HSD17B12: variants seen among roughly 807,000 people sequenced by gnomAD.
HSD17B12 encodes hydroxysteroid 17-beta dehydrogenase 12, also known as very-long-chain 3-oxoacyl-CoA reductase.
In HSD17B12, 32 loss-of-function variants were observed where a neutral mutation model predicts 39.3. The observed-to-expected ratio is 0.81, with a 90% CI of 0.61 to 1.09. The LOEUF is 1.09. HSD17B12 is among the 50% of genes least tolerant of loss of function. The pLI is 0.00. For missense variants in HSD17B12, 342 were observed against 382.9 expected (o/e 0.89, Z 0.89); for synonymous variants, 150 against 146.7 (o/e 1.02, Z -0.16).
the HSD17B12 span, among the ~76,000 whole-genome samples, chr11:43,587,105 G>C: frequency 6.6e-6 from 1 of 152,168 alleles, no homozygotes; most frequent in Non-Finnish European, 1.5e-5. Flanking sequence ...ACTTAAAGAA[G>C]CAATAGTATC....
At chr11:43,845,664 G>C (rs1951468329) in intron 9 of HSD17B12, among the ~76,000 whole-genome samples, 1 of 152,176 alleles carries the variant, frequency 6.6e-6, no homozygotes. Context: ...TGTATGTGAT[G>C]TTGTGTCGTC....
the HSD17B12 span, among the ~76,000 whole-genome samples, chr11:43,615,074 T>C: frequency 1.3e-5 from 2 of 152,194 alleles, no homozygotes; most frequent in Non-Finnish European, 2.9e-5. Context: ...CTGGATTTAT[T>C]TGTCTTCCTT....
intron 6 of HSD17B12, among the ~76,000 whole-genome samples, chr11:43,822,915 C>T (rs1006652500): frequency 6.6e-6 from 1 of 152,128 alleles, no homozygotes; most frequent in African/African-American, 2.4e-5. Flanking sequence ...ACACTGACTT[C>T]CACAATGGTT....
intron 1 of HSD17B12, chr11:43,718,844 CA>C (rs1950150452): frequency 1.2e-6 from 1 of 865,988 alleles, no homozygotes; most frequent in East Asian, 2.4e-5. Context: ...ACTCCGGAAG[CA>C]GCCCAAATAT....
chr11:43,636,950 G>A, the HSD17B12 span, among the ~76,000 whole-genome samples: 2 of 152,020 alleles, frequency 1.3e-5, no homozygotes, highest in African/African-American at 2.4e-5. Flanking sequence ...TGATTAAGTG[G>A]GCAAGCTCTG....
intron 1 of HSD17B12, chr11:43,718,935 T>C: frequency 9.6e-7 from 1 of 1,046,546 alleles, no homozygotes. Flanking sequence ...GAGTCTGCCA[T>C]GAAGAAGATA....
chr11:43,609,279 A>G, the HSD17B12 span, among the ~76,000 whole-genome samples: 1 of 150,804 alleles, frequency 6.6e-6, no homozygotes, highest in Non-Finnish European at 1.5e-5. Context: ...ATCTTTATAC[A>G]GGTAAACTAT....
chr11:43,597,727 C>A, the HSD17B12 span, among the ~76,000 whole-genome samples: 1 of 152,160 alleles, frequency 6.6e-6, no homozygotes, highest in Non-Finnish European at 1.5e-5. Context: ...CTCGCTGCAA[C>A]CTCCACCTCC....
At chr11:43,597,580 T>C in the HSD17B12 span, among the ~76,000 whole-genome samples, 1 of 152,208 alleles carries the variant, frequency 6.6e-6, no homozygotes, top group African/African-American at 2.4e-5. Flanking sequence ...GGCTGGCAAG[T>C]GGCTCTGACT....
chr11:43,572,420 G>T, the HSD17B12 span, among the ~76,000 whole-genome samples: 4 of 152,118 alleles, frequency 2.6e-5, no homozygotes, highest in Admixed American at 1.3e-4. Context: ...TCCACATGTT[G>T]GGGGATAGAC....
At chr11:43,827,204 C>A (rs1464230) in intron 6 of HSD17B12, among the ~76,000 whole-genome samples, 99,584 of 151,992 alleles carry the variant, frequency 0.66, 32,968 homozygotes, top group East Asian at 0.76. Flanking sequence ...TTTATTCTCT[C>A]CATGTGTATT....
At chr11:43,681,697 T>G (rs1447492675) in intron 1 of HSD17B12, among the ~76,000 whole-genome samples, 1 of 151,972 alleles carries the variant, frequency 6.6e-6, no homozygotes, top group Non-Finnish European at 1.5e-5. Flanking sequence ...ACAAGGACGT[T>G]TGTAGGAAAA....
chr11:43,690,380 A>AT (rs1949845089), intron 1 of HSD17B12, among the ~76,000 whole-genome samples: 1 of 8,416 alleles, frequency 1.2e-4, no homozygotes, highest in African/African-American at 5.4e-4. Context: ...ATATATATAT[A>AT]TATATATATA....
At chr11:43,848,448 G>A (rs975776883) in intron 9 of HSD17B12, 1 of 152,132 alleles carries the variant, frequency 6.6e-6, no homozygotes, top group African/African-American at 2.4e-5. Context: ...TATTCTCCAT[G>A]GAAAATGGCA....
chr11:43,656,352 C>T, the HSD17B12 span, among the ~76,000 whole-genome samples: 1 of 152,116 alleles, frequency 6.6e-6, no homozygotes, highest in African/African-American at 2.4e-5. Flanking sequence ...AAAAAACCAG[C>T]CCCTGGATTC....
intron 9 of HSD17B12, among the ~76,000 whole-genome samples, chr11:43,843,807 T>C (rs1223819450): frequency 2.0e-5 from 3 of 152,192 alleles, no homozygotes. Flanking sequence ...TTGGAGCTCC[T>C]TGTATACCTC....
At chr11:43,705,463 C>G (rs1300960524) in intron 1 of HSD17B12, among the ~76,000 whole-genome samples, 1 of 152,058 alleles carries the variant, frequency 6.6e-6, no homozygotes, top group Non-Finnish European at 1.5e-5. Flanking sequence ...GACTGTGGCC[C>G]AAAGTAGTTC....
At chr11:43,766,098 T>C (rs1426045793) in intron 3 of HSD17B12, among the ~76,000 whole-genome samples, 2 of 152,254 alleles carry the variant, frequency 1.3e-5, no homozygotes, top group African/African-American at 4.8e-5. Flanking sequence ...ATGCTGGGAT[T>C]ACAGGCGTGA....
intron 4 of HSD17B12, among the ~76,000 whole-genome samples, chr11:43,808,479 C>T (rs1187129138): frequency 6.6e-6 from 1 of 152,088 alleles, no homozygotes. Context: ...TAAAGCAGAA[C>T]CTTTTACTTA....
Sources: gnomAD v4.1 joint callset for allele counts (sites outside exome capture counted in the v4.1 genomes callset) on GRCh38, gnomAD v4.1.1 for gene constraint, MANE v1.5 for transcripts, NCBI Gene and HGNC (gene_info 2026-07-23, HGNC 2026-07-21) for gene names.